The following FSD1L variants were observed in gnomAD, a reference collection of about 807,000 sequenced individuals.
The protein encoded by FSD1L is FSD1-like protein.
FSD1L carries 45 observed loss-of-function variants against 71.6 expected under a neutral mutation model. The observed-to-expected ratio is 0.63, with a 90% confidence interval of 0.49 to 0.81. FSD1L has a LOEUF of 0.81. Ranked by LOEUF, FSD1L falls within the 30% of genes least tolerant of loss-of-function variation. FSD1L has a pLI of 0.00. For missense variants in FSD1L, 561 were observed against 618.1 expected (o/e 0.91, Z 0.98); for synonymous variants, 197 against 207.2 (o/e 0.95, Z 0.42).
intron 5 of FSD1L, among the ~76,000 whole-genome samples, chr9:105,478,527 T>G (rs904323884): frequency 4.6e-5 from 7 of 152,186 alleles, no homozygotes; most frequent in Admixed American, 3.3e-4. Context: ...TACTGGTTAC[T>G]GTGGAGAAAA....
chr9:105,475,990 A>G (rs1564093917), intron 5 of FSD1L, among the ~76,000 whole-genome samples: 1 of 152,170 alleles, frequency 6.6e-6, no homozygotes, highest in Non-Finnish European at 1.5e-5. Context: ...CCTTTCTATA[A>G]AAAGAGAAAT....
At chr9:105,506,975 G>A (rs1834092475) in intron 8 of FSD1L, among the ~76,000 whole-genome samples, 1 of 152,070 alleles carries the variant, frequency 6.6e-6, no homozygotes, top group East Asian at 1.9e-4. Flanking sequence ...GTTTCACTAT[G>A]TTGACCAGGC....
intron 5 of FSD1L, among the ~76,000 whole-genome samples, chr9:105,477,424 G>C (rs1248934614): frequency 4.6e-5 from 7 of 152,324 alleles, no homozygotes; most frequent in African/African-American, 1.7e-4. Context: ...TCAGGTGATG[G>C]GCAGGGGGAG....
At chr9:105,483,813 T>C (rs774034150) in intron 6 of FSD1L, among the ~76,000 whole-genome samples, 4 of 152,162 alleles carry the variant, frequency 2.6e-5, no homozygotes, top group Non-Finnish European at 4.4e-5. Flanking sequence ...CCTAGTGTGG[T>C]ATTCATTGAT....
chr9:105,505,423 G>T (rs1013964114), intron 7 of FSD1L, among the ~76,000 whole-genome samples: 1 of 152,088 alleles, frequency 6.6e-6, no homozygotes, highest in Admixed American at 6.5e-5. Context: ...ACCACACCTG[G>T]CTAATTTTTG....
intron 13 of FSD1L, among the ~76,000 whole-genome samples, chr9:105,540,274 A>G (rs980962742): frequency 1.6e-4 from 25 of 152,060 alleles, no homozygotes; most frequent in African/African-American, 6.0e-4. Flanking sequence ...ATTTGGGTAT[A>G]TGCTTTTGTG....
intron 10 of FSD1L, among the ~76,000 whole-genome samples, chr9:105,519,938 C>A (rs571157078): frequency 2.0e-4 from 31 of 152,336 alleles, no homozygotes; most frequent in Admixed American, 7.8e-4. Flanking sequence ...TGCCTTGGAG[C>A]CGCGGCGCGA....
At chr9:105,515,764 C>T (rs918489053) in intron 10 of FSD1L, among the ~76,000 whole-genome samples, 2 of 151,810 alleles carry the variant, frequency 1.3e-5, no homozygotes, top group South Asian at 4.2e-4. Flanking sequence ...GCCGTTTAGG[C>T]AGACACCAAA....
At position 105,448,060 on chromosome 9, in the gene FSD1L, C is replaced by A. The variant is rs978293804; in HGVS notation, c.-161C>A. 2.6e-6 allele frequency: 2 copies of A among 779,110 alleles called. No individual in the cohort carries two copies. Among genetic ancestry groups the A allele is most frequent in the African/African-American group, 1.8e-5 (1 of 54,240 alleles). 48.3% of individuals were successfully genotyped at this position (779,110 alleles called of 1,614,324 possible). On this transcript the variant is annotated 5_prime_UTR_variant, in exon 1 of 14. Coordinates refer to ENST00000481272, the MANE Select transcript of FSD1L (RefSeq NM_001145313.3). The stretch of plus-strand genomic sequence containing the variant: ...TTTCACCCTGGCAACCGCGGCGTGA[C>A]TACGGCGCGCGCGGTCTGGGCGCGG...
At chr9:105,521,948 T>C in intron 10 of FSD1L, 1 of 1,612,788 alleles carries the variant, frequency 6.2e-7, no homozygotes, top group South Asian at 1.1e-5. Flanking sequence ...TTAACATTTA[T>C]CGGTACATGG....
At chr9:105,450,701 T>G (rs1829941144) in intron 1 of FSD1L, among the ~76,000 whole-genome samples, 1 of 150,152 alleles carries the variant, frequency 6.7e-6, no homozygotes, top group Non-Finnish European at 1.5e-5. Context: ...CCCTGGCTAA[T>G]TTTTGTATTT....
In FSD1L at chr9:105,548,013, T is replaced by C. The variant is rs3750500; in HGVS notation, c.*1530T>C. ...TCTCTAAAAATTTACTGCCCACTGATAGGATGTTTTGTTTCCTTGATAAAA... is the reference window on the plus strand; with the variant it reads ...TCTCTAAAAATTTACTGCCCACTGACAGGATGTTTTGTTTCCTTGATAAAA... On this transcript the variant is annotated 3_prime_UTR_variant, in exon 14 of 14. Transcript: ENST00000481272. 6.6e-6 allele frequency: 1 copy of C among 151,934 alleles called. No individual in the cohort carries two copies. Among genetic ancestry groups the C allele is most frequent in the Non-Finnish European group, 1.5e-5 (1 of 67,920 alleles). 9.4% of individuals were successfully genotyped at this position (151,934 alleles called of 1,614,324 possible). A position where few individuals can be genotyped will look rare whatever the true frequency, so the allele number is the denominator to read the frequency against.
rs961198445 is a variant in FSD1L, at chr9:105,546,453, T to A, written c.1563T>A (p.Ala521=). The A allele has an allele frequency of 5.2e-6, 8 of 1,549,764 alleles. No homozygotes were observed. The African/African-American group carries it at 9.6e-5, about 19-fold the overall frequency. ...GTGAAAATGGAATGACTGGTTCAGC[T>A]AGCAGCCTGAACAATGTTGTTACTC... The part of the protein sequence containing the change: ...QKSENGMTGS[A]SSLNNVVTQ Residue 521 remains alanine (A), a synonymous_variant, in exon 14 of 14, where the codon GCT becomes GCA. Coordinates refer to ENST00000481272, the MANE Select transcript of FSD1L (RefSeq NM_001145313.3).
chr9:105,459,840 C>G (rs1480340507), intron 1 of FSD1L, among the ~76,000 whole-genome samples: 1 of 152,242 alleles, frequency 6.6e-6, no homozygotes, highest in African/African-American at 2.4e-5. Flanking sequence ...AGCCAAGGCT[C>G]TGAAGCCCTC....
chr9:105,546,769 ACTTTGACTATT>A lies in FSD1L; in HGVS notation c.*289_*299del, dbSNP rs144260793. Reference sequence around the variant, plus strand: ...AACTCATTTTTGTATTTCTTGGATTACTTTGACTATTCTAATGTTTAATTACATATGGTAAC... The same window carrying A: ...AACTCATTTTTGTATTTCTTGGATTACTAATGTTTAATTACATATGGTAAC... On this transcript the variant is annotated 3_prime_UTR_variant, in exon 14 of 14. Coordinates refer to ENST00000481272, the MANE Select transcript of FSD1L (RefSeq NM_001145313.3). 1,429 of 198,880 alleles carry A rather than the reference ACTTTGACTATT, an allele frequency of 7.2e-3. 21 individuals are homozygous for A. Among genetic ancestry groups the A allele is most frequent in the African/African-American group, 0.032 (1,360 of 43,132 alleles). The allele number at this position is 198,880 out of a possible 1,614,324, so 12.3% of individuals were successfully genotyped here.
intron 7 of FSD1L, 37 bp from the exon 8 acceptor site, chr9:105,506,362 G>T (rs1184240271): frequency 7.1e-7 from 1 of 1,399,608 alleles, no homozygotes. Context: ...TAATAAATGA[G>T]GAATGAATGA....
intron 10 of FSD1L, chr9:105,521,496 T>G (rs938897798): frequency 6.2e-7 from 1 of 1,613,858 alleles, no homozygotes; most frequent in African/African-American, 1.3e-5. Flanking sequence ...GACAGAGATA[T>G]TTCGTCAGGC....
chr9:105,550,479 T>G lies in FSD1L; in HGVS notation c.*3996T>G, dbSNP rs769168647. On this transcript the variant is annotated 3_prime_UTR_variant, in exon 14 of 14. Transcript: ENST00000481272. Reference sequence around the variant, plus strand: ...AGTATTATAAGAGATCATGAATGTTTCCTTAATTATCATGGCAAGATTACC... The same window carrying G: ...AGTATTATAAGAGATCATGAATGTTGCCTTAATTATCATGGCAAGATTACC... The G allele has an allele frequency of 4.6e-5, 7 of 152,088 alleles. No homozygotes were observed. Among genetic ancestry groups the G allele is most frequent in the Non-Finnish European group, 7.4e-5 (5 of 67,932 alleles). The allele number at this position is 152,088 out of a possible 1,614,324, so 9.4% of individuals were successfully genotyped here. A position where few individuals can be genotyped will look rare whatever the true frequency, so the allele number is the denominator to read the frequency against.
chr9:105,490,222 T>C (rs904196546), intron 7 of FSD1L, among the ~76,000 whole-genome samples: 7 of 152,222 alleles, frequency 4.6e-5, no homozygotes, highest in Non-Finnish European at 1.0e-4. Context: ...TGGTATCTCA[T>C]TGTGGTTTTG....
Sources: gnomAD v4.1 joint callset for allele counts (sites outside exome capture counted in the v4.1 genomes callset) on GRCh38, gnomAD v4.1.1 for gene constraint, MANE v1.5 for transcripts, NCBI Gene and HGNC (gene_info 2026-07-23, HGNC 2026-07-21) for gene names.